Variants in STK3 observed in about 807,000 individuals in gnomAD.
The protein encoded by STK3 is serine/threonine kinase 3, also known as serine/threonine-protein kinase 3.
In STK3, 41 loss-of-function variants were observed where a neutral mutation model predicts 58.0. That is an observed-to-expected ratio of 0.71 (90% CI 0.55 to 0.92). The LOEUF (loss-of-function observed/expected upper bound fraction) is 0.92, where lower values mean the gene tolerates loss of function less well. Among genes scored for constraint, STK3 ranks in the 40% least tolerant of loss-of-function variants. STK3 has a pLI of 0.00. For missense variants in STK3, 479 were observed against 602.7 expected (o/e 0.79, Z 2.15); for synonymous variants, 170 against 191.0 (o/e 0.89, Z 0.91).
chr8:98,865,715 G>A (rs572207638), intron 3 of STK3, among the ~76,000 whole-genome samples: 3 of 152,338 alleles, frequency 2.0e-5, no homozygotes, highest in Admixed American at 6.5e-5. Flanking sequence ...TATACGACGT[G>A]CCTTTAAAAT....
rs138414608 is a variant in STK3 at position 98,657,445 on chromosome 8, T to C, written c.684+49022A>G. Among the ~76,000 whole-genome samples the C allele has an allele frequency of 1.3e-3, 204 of 152,156 alleles. 2 individuals carry two copies. Among genetic ancestry groups the C allele is most frequent in the African/African-American group, 4.7e-3 (194 of 41,524 alleles). The stretch of plus-strand genomic sequence containing the variant: ...TCTGATAATATGCCATTTCAGTAGA[T>C]AATGAAAGGAAATGAGGGCAGGAGA... On this transcript the variant is annotated intron_variant, in intron 6 of 10. Coordinates refer to ENST00000419617, the MANE Select transcript of STK3 (RefSeq NM_006281.4).
At chr8:98,697,076 T>C (rs1432259043) in intron 6 of STK3, among the ~76,000 whole-genome samples, 1 of 152,238 alleles carries the variant, frequency 6.6e-6, no homozygotes, top group African/African-American at 2.4e-5. Context: ...TCTTCCTGGT[T>C]TAATCTTGGG....
chr8:98,836,968 A>G (rs368647671), intron 3 of STK3, among the ~76,000 whole-genome samples: 1 of 152,254 alleles, frequency 6.6e-6, no homozygotes, highest in African/African-American at 2.4e-5. Context: ...GATCAATGAT[A>G]TCATTACATA....
intron 3 of STK3, among the ~76,000 whole-genome samples, chr8:98,834,103 C>T (rs527460981): frequency 6.5e-4 from 99 of 152,360 alleles, no homozygotes; most frequent in Non-Finnish European, 1.1e-3. Context: ...AAACTGCTTG[C>T]TATTGCCACA....
chr8:98,720,252 G>C (rs1219003766), intron 4 of STK3, among the ~76,000 whole-genome samples: 1 of 152,072 alleles, frequency 6.6e-6, no homozygotes. Flanking sequence ...TATTTTATGT[G>C]ATTTCTCTAC....
chr8:98,694,636 T>C (rs1371977458), intron 6 of STK3, among the ~76,000 whole-genome samples: 2 of 152,222 alleles, frequency 1.3e-5, no homozygotes, highest in African/African-American at 4.8e-5. Context: ...TTACTGAGAA[T>C]CATGATTTCC....
At position 98,589,987 on chromosome 8, in the gene STK3, C is replaced by T. The variant is rs576851493; in HGVS notation, c.822+6045G>A. Among the ~76,000 whole-genome samples the T allele has an allele frequency of 1.9e-4, 29 of 152,256 alleles. 1 individual carries two copies. In the East Asian group the frequency reaches 3.5e-3, roughly 18 times the overall value. ...CACGGTGCACGCACCCACTGACCTG[C>T]GCCCACTGTCTGGCACTCCCTAGTG... is the stretch of plus-strand genomic sequence containing the variant. On this transcript the variant is annotated intron_variant, in intron 7 of 10. Coordinates refer to ENST00000419617, the MANE Select transcript of STK3 (RefSeq NM_006281.4).
chr8:98,834,243 CT>C (rs1397873340), intron 3 of STK3, among the ~76,000 whole-genome samples: 1 of 152,196 alleles, frequency 6.6e-6, no homozygotes, highest in Non-Finnish European at 1.5e-5. Context: ...ACTGCCTCTT[CT>C]TTCCCTTTAA....
chr8:98,831,844 A>G (rs867092938), intron 3 of STK3, among the ~76,000 whole-genome samples: 5 of 152,280 alleles, frequency 3.3e-5, no homozygotes, highest in Middle Eastern at 3.4e-3. Context: ...ATCTTAAACT[A>G]TTATTTAACT....
chr8:98,785,366 G>T (rs191105710), intron 1 of STK3, among the ~76,000 whole-genome samples: 5 of 152,188 alleles, frequency 3.3e-5, no homozygotes, highest in Non-Finnish European at 7.3e-5. Flanking sequence ...AGGATTAGGA[G>T]TTTAAGCTGC....
In STK3 at chr8:98,448,502, T is replaced by C. The variant is rs2131113699; in HGVS notation, n.186-11294A>G. On this transcript the variant is annotated intron_variant and non_coding_transcript_variant, in intron 1 of 3. Transcript: ENST00000517832. ...TAGAATAAGTGGAAAGGCTGAAAAA[T>C]GCGCAGGTGCAGGAGTGCCCTATCT... is the stretch of plus-strand genomic sequence containing the variant. 3.3e-5 allele frequency among the ~76,000 whole-genome samples: 5 copies of C among 152,238 alleles called. No homozygotes were observed. The South Asian group carries it at 1.0e-3, about 32-fold the overall frequency.
intron 1 of STK3, among the ~76,000 whole-genome samples, chr8:98,892,482 G>A (rs867846419): frequency 3.0e-4 from 45 of 152,268 alleles, no homozygotes; most frequent in Middle Eastern, 3.4e-3. Context: ...GGGTTTACAA[G>A]CCCTTATGCT....
intron 1 of STK3, among the ~76,000 whole-genome samples, chr8:98,901,882 G>T (rs867331472): frequency 6.6e-6 from 1 of 152,212 alleles, no homozygotes; most frequent in African/African-American, 2.4e-5. Context: ...GAAAGAATGG[G>T]CAGTAAAGAA....
chr8:98,645,404 A>C (rs1339300722), intron 6 of STK3, among the ~76,000 whole-genome samples: 3 of 152,234 alleles, frequency 2.0e-5, no homozygotes, highest in African/African-American at 7.2e-5. Flanking sequence ...ACAAGGCCTA[A>C]GAAATAATTG....
intron 1 of STK3, among the ~76,000 whole-genome samples, chr8:98,801,353 C>T (rs1295850346): frequency 2.0e-5 from 3 of 152,068 alleles, no homozygotes; most frequent in African/African-American, 7.2e-5. Flanking sequence ...GCAAGCTGCC[C>T]AAGCCAGCAG....
At chr8:98,922,158 C>T (rs1564106472) in intron 1 of STK3, among the ~76,000 whole-genome samples, 2 of 152,164 alleles carry the variant, frequency 1.3e-5, no homozygotes, top group African/African-American at 4.8e-5. Context: ...GAAAAAAACT[C>T]AAATAAAATC....
downstream of STK3, among the ~76,000 whole-genome samples, chr8:98,450,887 C>G (rs772436144): frequency 1.3e-5 from 2 of 152,194 alleles, no homozygotes; most frequent in Non-Finnish European, 2.9e-5. Context: ...CATTCTAAAG[C>G]TAGACCTCCT....
chr8:98,861,581 T>G (rs1164794874), intron 3 of STK3, among the ~76,000 whole-genome samples: 1 of 151,918 alleles, frequency 6.6e-6, no homozygotes, highest in African/African-American at 2.4e-5. Flanking sequence ...CTCCTGAGCT[T>G]GGGCAATCCG....
intron 6 of STK3, among the ~76,000 whole-genome samples, chr8:98,686,002 A>G (rs1231861267): frequency 6.6e-6 from 1 of 152,230 alleles, no homozygotes; most frequent in African/African-American, 2.4e-5. Context: ...ATAACTGAAT[A>G]AACGTTTTAC....
Sources: gnomAD v4.1 joint callset for allele counts (sites outside exome capture counted in the v4.1 genomes callset) on GRCh38, gnomAD v4.1.1 for gene constraint, MANE v1.5 for transcripts, NCBI Gene and HGNC (gene_info 2026-07-23, HGNC 2026-07-21) for gene names.